The following ASIC2 variants were observed in gnomAD, a reference collection of about 807,000 sequenced individuals.
ASIC2 encodes acid sensing ion channel subunit 2.
A neutral mutation model predicts 57.3 loss-of-function variants in ASIC2; 25 were observed. That is an observed-to-expected ratio of 0.44 (90% CI 0.32 to 0.61). The LOEUF is 0.61. Ranked by LOEUF, ASIC2 falls within the 20% of genes least tolerant of loss-of-function variation. The pLI is 0.06. For missense variants in ASIC2, 641 were observed against 738.1 expected (o/e 0.87, Z 1.52); for synonymous variants, 319 against 307.5 (o/e 1.04, Z -0.39).
At chr17:33,667,254 A>G (rs1421497743) in intron 1 of ASIC2, among the ~76,000 whole-genome samples, 1 of 152,188 alleles carries the variant, frequency 6.6e-6, no homozygotes, top group African/African-American at 2.4e-5. Context: ...TGTGGTTGGC[A>G]CGGGTTCTAG....
At position 34,084,025 on chromosome 17, in the gene ASIC2, A is replaced by AT. The variant is rs1358967235; in HGVS notation, c.555+71952_555+71953insA. On this transcript the variant is annotated intron_variant, in intron 1 of 9. Coordinates refer to the ASIC2 transcript ENST00000359872. The stretch of plus-strand genomic sequence containing the variant: ...TTGATGTGCAGAAGCTCTTTAGTTT[A>AT]ATTAGATCCCATTTGTCAATTTTGG... Among the ~76,000 whole-genome samples, 3 of 152,026 alleles carry AT rather than the reference A, an allele frequency of 2.0e-5. No individual in the cohort carries two copies. The East Asian group carries it at 5.8e-4, about 29-fold the overall frequency.
At chr17:34,082,618 C>T (rs1051386406) in intron 1 of ASIC2, among the ~76,000 whole-genome samples, 4 of 152,188 alleles carry the variant, frequency 2.6e-5, no homozygotes, top group Admixed American at 1.3e-4. Context: ...CACCTGTCCC[C>T]GCCCCCTGGC....
At chr17:33,490,554 A>C (rs992280641) in intron 1 of ASIC2, among the ~76,000 whole-genome samples, 7 of 152,178 alleles carry the variant, frequency 4.6e-5, no homozygotes, top group Admixed American at 3.9e-4. Flanking sequence ...GATAGTGAAT[A>C]AGTCTCATGA....
rs145000393 is a variant in ASIC2 at position 33,343,542 on chromosome 17, G to A, written c.556-231475C>T. On this transcript the variant is annotated intron_variant, in intron 1 of 9. Transcript: ENST00000359872. ...GCCAGACTAAAAGCTCCCCTGACAT[G>A]GGGGGAGTCTACGGCTTGTTTTTTC... Among the ~76,000 whole-genome samples, 518 of 152,258 alleles carry A rather than the reference G, an allele frequency of 3.4e-3. 3 individuals are homozygous for A. Among genetic ancestry groups the A allele is most frequent in the African/African-American group, 0.012 (498 of 41,550 alleles).
Position 33,930,477 on chromosome 17 carries a change from T to C in ASIC2, c.555+225501A>G, listed in dbSNP as rs114138281. On this transcript the variant is annotated intron_variant, in intron 1 of 9. Coordinates refer to the ASIC2 transcript ENST00000359872. ...TCAGTGGCTGAGATGTTAGTCCCCA[T>C]CGTGCTTCAGGTAGTAGAATAAGGG... Among the ~76,000 whole-genome samples the C allele has an allele frequency of 6.3e-3, 962 of 152,310 alleles. 12 individuals are homozygous for C. The highest frequency in any genetic ancestry group is 0.022 in the African/African-American group (927 of 41,568).
intron 1 of ASIC2, among the ~76,000 whole-genome samples, chr17:34,106,917 T>C (rs988117290): frequency 6.6e-6 from 1 of 152,066 alleles, no homozygotes; most frequent in African/African-American, 2.4e-5. Flanking sequence ...ATTCCAGGAG[T>C]ATATTTGCTT....
intron 1 of ASIC2, among the ~76,000 whole-genome samples, chr17:33,270,181 C>A (rs1904427928): frequency 6.6e-6 from 1 of 152,216 alleles, no homozygotes; most frequent in African/African-American, 2.4e-5. Context: ...TCCGACCACC[C>A]ACCTAGTAAA....
intron 1 of ASIC2, among the ~76,000 whole-genome samples, chr17:33,491,479 T>C (rs889980435): frequency 6.6e-6 from 1 of 152,220 alleles, no homozygotes; most frequent in Non-Finnish European, 1.5e-5. Flanking sequence ...ATAGACTATT[T>C]CTATGGGAGA....
chr17:34,039,839 G>A (rs1908038161), intron 1 of ASIC2: 2 of 1,606,874 alleles, frequency 1.2e-6, no homozygotes, highest in African/African-American at 1.3e-5. Context: ...AATTTCTGCC[G>A]TCGTGGGTCC....
intron 3 of ASIC2, among the ~76,000 whole-genome samples, chr17:33,034,982 C>T (rs963556301): frequency 1.4e-4 from 21 of 152,190 alleles, no homozygotes; most frequent in African/African-American, 4.8e-4. Flanking sequence ...TGACACTGTT[C>T]ACAAGTCATT....
At chr17:33,817,882 CCAA>C (rs2141890817) in intron 1 of ASIC2, among the ~76,000 whole-genome samples, 1 of 152,278 alleles carries the variant, frequency 6.6e-6, no homozygotes, top group South Asian at 2.1e-4. Flanking sequence ...TATCTGGCAG[CCAA>C]GGCCAGAGCG....
chr17:33,842,361 G>A (rs72816934), intron 1 of ASIC2, among the ~76,000 whole-genome samples: 1 of 152,062 alleles, frequency 6.6e-6, no homozygotes, highest in Admixed American at 6.6e-5. Context: ...CCCCAGCTCG[G>A]GACACACATT....
intron 1 of ASIC2, among the ~76,000 whole-genome samples, chr17:33,234,946 T>C (rs1197784186): frequency 6.6e-6 from 1 of 152,234 alleles, no homozygotes; most frequent in Non-Finnish European, 1.5e-5. Flanking sequence ...TGAGTTCCCC[T>C]GTGGGATCTG....
chr17:33,739,642 AG>A (rs1369574802), intron 1 of ASIC2, among the ~76,000 whole-genome samples: 5 of 152,212 alleles, frequency 3.3e-5, no homozygotes, highest in Non-Finnish European at 5.9e-5. Flanking sequence ...AGAGCTCCTG[AG>A]AAGTATCTGG....
chr17:34,103,966 T>C (rs192682057), intron 1 of ASIC2, among the ~76,000 whole-genome samples: 9 of 152,320 alleles, frequency 5.9e-5, no homozygotes, highest in Non-Finnish European at 1.3e-4. Context: ...AATTCTAGAA[T>C]TGTTTTATCT....
Position 33,482,719 on chromosome 17 carries a change from C to A in ASIC2, c.556-370652G>T, listed in dbSNP as rs138469335. ...CAGGTCCTCTAACTCCTAACCCCAG[C>A]TGTGCCCTTGTTCTGCATCCTTTTC... On this transcript the variant is annotated intron_variant, in intron 1 of 9. Coordinates refer to the ASIC2 transcript ENST00000359872. 1.0e-3 allele frequency among the ~76,000 whole-genome samples: 158 copies of A among 152,284 alleles called. 1 individual carries two copies. Among genetic ancestry groups the A allele is most frequent in the African/African-American group, 3.7e-3 (155 of 41,544 alleles).
chr17:33,796,637 TC>T lies in ASIC2; in HGVS notation c.555+359340del, dbSNP rs1220508444. Among the ~76,000 whole-genome samples the T allele has an allele frequency of 3.3e-5, 5 of 152,342 alleles. No individual in the cohort carries two copies. In the East Asian group the frequency reaches 9.6e-4, roughly 29 times the overall value. On this transcript the variant is annotated intron_variant, in intron 1 of 9. Coordinates refer to the ASIC2 transcript ENST00000359872. The stretch of plus-strand genomic sequence containing the variant: ...AACAACAGACACTCACACATACATT[TC>T]CAAGATCCATCTGATACTTGAAAAT...
chr17:33,173,499 T>C (rs897307001), intron 1 of ASIC2, among the ~76,000 whole-genome samples: 2 of 152,136 alleles, frequency 1.3e-5, no homozygotes, highest in African/African-American at 4.8e-5. Flanking sequence ...GACTGGAGGA[T>C]GCATTTGTCC....
intron 1 of ASIC2, among the ~76,000 whole-genome samples, chr17:33,503,310 TG>T (rs1914155601): frequency 6.6e-6 from 1 of 152,194 alleles, no homozygotes; most frequent in Admixed American, 6.5e-5. Flanking sequence ...ATACCTGTCC[TG>T]GGGCTATTGC....
Sources: gnomAD v4.1 joint callset for allele counts (sites outside exome capture counted in the v4.1 genomes callset) on GRCh38, gnomAD v4.1.1 for gene constraint, MANE v1.5 for transcripts, NCBI Gene and HGNC (gene_info 2026-07-23, HGNC 2026-07-21) for gene names.